Variants in MKX observed in about 807,000 individuals in gnomAD.
MKX encodes homeobox protein Mohawk.
MKX carries 13 observed loss-of-function variants against 36.0 expected under a neutral mutation model. The ratio of observed to expected loss-of-function variants is 0.36; its 90% CI spans 0.24 to 0.57. The LOEUF (loss-of-function observed/expected upper bound fraction) is 0.57, where lower values mean the gene tolerates loss of function less well. Among genes scored for constraint, MKX ranks in the 20% least tolerant of loss-of-function variants. MKX has a pLI of 0.79. For missense variants in MKX, 458 were observed against 456.4 expected (o/e 1.00, Z -0.03); for synonymous variants, 176 against 178.3 (o/e 0.99, Z 0.10).
At chr10:27,721,206 A>T (rs1203232210) in intron 5 of MKX, among the ~76,000 whole-genome samples, 3 of 152,160 alleles carry the variant, frequency 2.0e-5, no homozygotes, top group African/African-American at 7.2e-5. Context: ...TAGAATTATC[A>T]AACTTAAAGT....
intron 5 of MKX, among the ~76,000 whole-genome samples, chr10:27,711,499 T>TCTCTTCCTTCCTTCC (rs1554772224): frequency 1.6e-4 from 15 of 93,068 alleles, no homozygotes; most frequent in Admixed American, 1.0e-3. Flanking sequence ...CTCTCTCTTC[T>TCTCTTCCTTCCTTCC]TTCCTTCCTT....
intron 3 of MKX, among the ~76,000 whole-genome samples, chr10:27,739,629 T>C (rs1834851195): frequency 6.6e-6 from 1 of 152,132 alleles, no homozygotes; most frequent in African/African-American, 2.4e-5. Flanking sequence ...CAAAAACCAC[T>C]ACATAAGAAA....
chr10:27,719,496 G>T (rs951322819), intron 5 of MKX, among the ~76,000 whole-genome samples: 1 of 152,096 alleles, frequency 6.6e-6, no homozygotes, highest in Admixed American at 6.5e-5. Flanking sequence ...CTTTAAATAG[G>T]TTAGGGGACC....
Position 27,741,230 on chromosome 10 carries a change from G to A in MKX, c.348+115C>T. On this transcript the variant is annotated intron_variant, in intron 3 of 6. Transcript: ENST00000419761. The surrounding 1 kb of genome is among the most constrained non-coding windows in gnomAD (Gnocchi z 5.1). Reference sequence around the variant, plus strand: ...GTAATTCAGAAACTCCCACAGCTCGGCTCCATCCCTCTCCAGGTAGAAGCG... The same window carrying A: ...GTAATTCAGAAACTCCCACAGCTCGACTCCATCCCTCTCCAGGTAGAAGCG... The A allele has an allele frequency of 2.2e-6, 3 of 1,336,966 alleles. No homozygotes were observed. The highest frequency in any genetic ancestry group is 3.2e-6 in the Non-Finnish European group (3 of 951,632). The allele number at this position is 1,336,966 out of a possible 1,614,324, so 82.8% of individuals were successfully genotyped here.
chr10:27,734,843 C>T (rs774264775), intron 4 of MKX, 52 bp from the exon 5 acceptor site: 1 of 1,154,218 alleles, frequency 8.7e-7, no homozygotes, highest in African/African-American at 1.6e-5. Context: ...TTTCCCCCAG[C>T]CACCCAACTC....
intron 5 of MKX, among the ~76,000 whole-genome samples, chr10:27,716,436 C>CAAAAAAAAAAAAAAAAACA (rs56913373): frequency 7.8e-6 from 1 of 127,674 alleles, no homozygotes. Flanking sequence ...AAAAAAAAAG[C>CAAAAAAAAAAAAAAAAACA]AAAAAAAAAA....
chr10:27,676,578 A>AT (rs957889343), intron 5 of MKX, among the ~76,000 whole-genome samples: 1 of 152,070 alleles, frequency 6.6e-6, no homozygotes, highest in Middle Eastern at 3.4e-3. Flanking sequence ...GGGTTTCACC[A>AT]TGTTGATCAG....
At chr10:27,739,256 C>T (rs942075496) in intron 3 of MKX, among the ~76,000 whole-genome samples, 8 of 152,032 alleles carry the variant, frequency 5.3e-5, no homozygotes, top group Non-Finnish European at 1.0e-4. Flanking sequence ...AATGATCAGC[C>T]ATAGGATCAG....
At chr10:27,739,277 C>T (rs185805610) in intron 3 of MKX, among the ~76,000 whole-genome samples, 252 of 152,058 alleles carry the variant, frequency 1.7e-3, no homozygotes, top group Admixed American at 7.9e-3. Context: ...CCATAAGATC[C>T]GTTGGTAATT....
intron 5 of MKX, among the ~76,000 whole-genome samples, chr10:27,690,578 A>G (rs1836436370): frequency 6.6e-6 from 1 of 152,138 alleles, no homozygotes; most frequent in Non-Finnish European, 1.5e-5. Flanking sequence ...CACCTATAAA[A>G]TGGGGATCAT....
chr10:27,695,311 T>C (rs1219247660), intron 5 of MKX, among the ~76,000 whole-genome samples: 2 of 151,754 alleles, frequency 1.3e-5, no homozygotes, highest in African/African-American at 4.8e-5. Flanking sequence ...AAACAAGGCA[T>C]GACACAACAC....
At chr10:27,729,371 G>A (rs758378978) in intron 5 of MKX, among the ~76,000 whole-genome samples, 8 of 142,948 alleles carry the variant, frequency 5.6e-5, no homozygotes, top group East Asian at 4.1e-4. Context: ...TCGTGATCTC[G>A]GCTCAGTGCA....
intron 5 of MKX, among the ~76,000 whole-genome samples, chr10:27,722,431 G>A (rs1834399411): frequency 1.3e-5 from 2 of 152,228 alleles, no homozygotes; most frequent in Non-Finnish European, 2.9e-5. Flanking sequence ...GCACAGAATT[G>A]CATGCTGTCA....
chr10:27,736,904 CA>C (rs1395295138), intron 3 of MKX, among the ~76,000 whole-genome samples: 1 of 152,040 alleles, frequency 6.6e-6, no homozygotes, highest in Non-Finnish European at 1.5e-5. Context: ...CAGTCTTCAC[CA>C]ATGCTTCTTC....
In MKX at chr10:27,741,576, C is replaced by A; in HGVS notation, c.189-72G>T. The A allele has an allele frequency of 6.8e-7, 1 of 1,475,214 alleles. No individual in the cohort carries two copies. Among genetic ancestry groups the A allele is most frequent in the Non-Finnish European group, 8.9e-7 (1 of 1,117,324 alleles). The allele number at this position is 1,475,214 out of a possible 1,614,324, so 91.4% of individuals were successfully genotyped here. A position where few individuals can be genotyped will look rare whatever the true frequency, so the allele number is the denominator to read the frequency against. On this transcript the variant is annotated intron_variant, in intron 2 of 6. Coordinates refer to ENST00000419761, the MANE Select transcript of MKX (RefSeq NM_173576.3). This position sits in a 1 kb window ranked among gnomAD's most constrained non-coding sequence, Gnocchi z 5.1. ...CCGCCCGGACGCTCCACGCCCCGGC[C>A]AAGCCCGGGCCCCGCATCCAAACTG...
chr10:27,724,791 A>ACACACACACACCCC (rs775804611), intron 5 of MKX, among the ~76,000 whole-genome samples: 3 of 147,774 alleles, frequency 2.0e-5, no homozygotes, highest in African/African-American at 7.5e-5. Flanking sequence ...ACACACACAC[A>ACACACACACACCCC]CCCCGCAGAA....
chr10:27,675,518 C>T lies in MKX; in HGVS notation c.872+3G>A, dbSNP rs772134108. ...GAACGGCCAATGGGAACATTTTGCT[C>T]ACCTTTCACCCTTATTGGATCCGTT... On this transcript the variant is annotated splice_donor_region_variant and intron_variant, in intron 6 of 6. Transcript: ENST00000419761. 8 of 1,614,008 alleles carry T rather than the reference C, an allele frequency of 5.0e-6. No homozygotes were observed. Among genetic ancestry groups the T allele is most frequent in the Non-Finnish European group, 5.9e-6 (7 of 1,180,016 alleles).
At chr10:27,733,819 C>A (rs879283231) in intron 5 of MKX, among the ~76,000 whole-genome samples, 5 of 152,130 alleles carry the variant, frequency 3.3e-5, no homozygotes, top group Non-Finnish European at 7.4e-5. Flanking sequence ...AGGAATCGAT[C>A]CTTTATTTCT....
At position 27,743,498 on chromosome 10, in the gene MKX, C is replaced by G; in HGVS notation, c.-82-1G>C. On this transcript the variant is annotated splice_acceptor_variant, in intron 1 of 6. Transcript: ENST00000419761. LOFTEE classifies it low-confidence loss of function (5UTR_SPLICE). The stretch of plus-strand genomic sequence containing the variant: ...GGAGCTCCGCAGCGGGGCTCGGCTT[C>G]TAGGAGAGGAAGGTGCATCTCGTTA... The G allele has an allele frequency of 7.3e-7, 1 of 1,369,692 alleles. No individual in the cohort carries two copies. 84.8% of individuals were successfully genotyped at this position (1,369,692 alleles called of 1,614,324 possible).
Sources: gnomAD v4.1 joint callset for allele counts (sites outside exome capture counted in the v4.1 genomes callset) on GRCh38, gnomAD v4.1.1 for gene constraint, Gnocchi (gnomAD v3.1) non-coding constraint, MANE v1.5 for transcripts, NCBI Gene and HGNC (gene_info 2026-07-23, HGNC 2026-07-21) for gene names.